KCNIP4: variants seen among roughly 807,000 people sequenced by gnomAD.
KCNIP4 encodes the protein Kv channel-interacting protein 4.
In KCNIP4, 12 loss-of-function variants were observed where a neutral mutation model predicts 34.0. The ratio of observed to expected loss-of-function variants is 0.35; its 90% CI spans 0.23 to 0.57. The LOEUF is 0.57. Ranked by LOEUF, KCNIP4 falls within the 20% of genes least tolerant of loss-of-function variation. The pLI is 0.83. For missense variants in KCNIP4, 238 were observed against 311.7 expected, an observed-to-expected ratio of 0.76 and a Z score of 1.78; for synonymous variants, 124 against 102.2, an observed-to-expected ratio of 1.21 and a Z score of -1.29.
At chr4:21,260,404 T>C (rs990964748) in intron 1 of KCNIP4, among the ~76,000 whole-genome samples, 3 of 152,214 alleles carry the variant, frequency 2.0e-5, no homozygotes, top group African/African-American at 4.8e-5. Flanking sequence ...CACAGTACTG[T>C]TAATTTAAGG....
At chr4:21,092,353 C>CAGG (rs1747070105) in intron 1 of KCNIP4, among the ~76,000 whole-genome samples, 3 of 152,040 alleles carry the variant, frequency 2.0e-5, no homozygotes, top group Middle Eastern at 6.8e-3. Context: ...TATTCCTCAG[C>CAGG]AGGAGTCAGT....
chr4:21,192,637 A>T (rs2109351641), intron 1 of KCNIP4, among the ~76,000 whole-genome samples: 1 of 152,288 alleles, frequency 6.6e-6, no homozygotes, highest in Non-Finnish European at 1.5e-5. Flanking sequence ...TCCATAACAA[A>T]ATTTTCCCTA....
At chr4:21,444,251 G>A (rs1489316955) in intron 1 of KCNIP4, among the ~76,000 whole-genome samples, 1 of 152,156 alleles carries the variant, frequency 6.6e-6, no homozygotes, top group Non-Finnish European at 1.5e-5. Context: ...TAGAAAAAGA[G>A]AGAATCCTCC....
intron 1 of KCNIP4, among the ~76,000 whole-genome samples, chr4:21,881,626 T>C (rs1726466933): frequency 6.6e-6 from 1 of 152,124 alleles, no homozygotes; most frequent in South Asian, 2.1e-4. Context: ...ACGCACACAG[T>C]ATTAAGCAGA....
Position 21,370,880 on chromosome 4 carries a change from CACGTGT to C in KCNIP4, c.62-488177_62-488172del, listed in dbSNP as rs1199337607. 2.2e-3 allele frequency among the ~76,000 whole-genome samples: 145 copies of C among 65,772 alleles called. 16 individuals carry two copies. Among genetic ancestry groups the C allele is most frequent in the African/African-American group, 9.7e-3 (140 of 14,374 alleles). The allele number at this position is 65,772 out of a possible 152,430, so 43.1% of individuals were successfully genotyped here. A position where few individuals can be genotyped will look rare whatever the true frequency, so the allele number is the denominator to read the frequency against. On this transcript the variant is annotated intron_variant, in intron 1 of 8. Transcript: ENST00000382152. Reference sequence around the variant, plus strand: ...ACACACACACACACACACACACACACACGTGTGTGTGTGTGTGTGTGTATTAGCAGA... The same window carrying C: ...ACACACACACACACACACACACACACGTGTGTGTGTGTGTGTATTAGCAGA...
chr4:21,181,137 T>C (rs1243054466), intron 1 of KCNIP4, among the ~76,000 whole-genome samples: 1 of 152,122 alleles, frequency 6.6e-6, no homozygotes, highest in Non-Finnish European at 1.5e-5. Flanking sequence ...ACCAGCCTTA[T>C]AGGTCAGGAA....
intron 1 of KCNIP4, among the ~76,000 whole-genome samples, chr4:21,635,744 A>ATC (rs1224375725): frequency 2.0e-5 from 3 of 152,144 alleles, no homozygotes; most frequent in Non-Finnish European, 4.4e-5. Context: ...TTCCTCAGGG[A>ATC]TCTAGAACTG....
chr4:21,237,089 A>C (rs1226932100), intron 1 of KCNIP4, among the ~76,000 whole-genome samples: 4 of 152,160 alleles, frequency 2.6e-5, no homozygotes. Flanking sequence ...AGCATATTAT[A>C]AAACCACAGA....
intron 1 of KCNIP4, among the ~76,000 whole-genome samples, chr4:21,026,690 G>T (rs1202414386): frequency 6.6e-6 from 1 of 152,054 alleles, no homozygotes; most frequent in Non-Finnish European, 1.5e-5. Context: ...AATAAAAAAG[G>T]ATCCATGGTA....
chr4:21,496,317 G>A (rs146554912), intron 1 of KCNIP4, among the ~76,000 whole-genome samples: 5 of 152,202 alleles, frequency 3.3e-5, no homozygotes, highest in African/African-American at 1.2e-4. Context: ...CAAGTCAGTG[G>A]CTTGTAATAA....
At chr4:20,927,438 T>C (rs1238054578) in intron 1 of KCNIP4, among the ~76,000 whole-genome samples, 1 of 152,194 alleles carries the variant, frequency 6.6e-6, no homozygotes, top group African/African-American at 2.4e-5. Context: ...GCAGCTATAA[T>C]AGTGCATGCA....
In KCNIP4 at chr4:21,840,361, G is replaced by A. The variant is rs1237560514; in HGVS notation, c.61+108210C>T. Among the ~76,000 whole-genome samples the A allele has an allele frequency of 2.0e-5, 3 of 151,982 alleles. 1 individual carries two copies. Among genetic ancestry groups the A allele is most frequent in the Non-Finnish European group, 4.4e-5 (3 of 68,004 alleles). On this transcript the variant is annotated intron_variant, in intron 1 of 8. Transcript: ENST00000382152. ...GACGACGTTGCACAAGTTGCTCTCTGAATTTACAAATGCCTTTTATTTTAT... is the reference window on the plus strand; with the variant it reads ...GACGACGTTGCACAAGTTGCTCTCTAAATTTACAAATGCCTTTTATTTTAT...
At chr4:21,166,334 A>G (rs1299235126) in intron 1 of KCNIP4, among the ~76,000 whole-genome samples, 1 of 152,188 alleles carries the variant, frequency 6.6e-6, no homozygotes, top group African/African-American at 2.4e-5. Context: ...TTAGTCATGA[A>G]GAAAATGCAA....
At chr4:21,606,260 A>C (rs1743654788) in intron 1 of KCNIP4, among the ~76,000 whole-genome samples, 1 of 152,184 alleles carries the variant, frequency 6.6e-6, no homozygotes, top group East Asian at 1.9e-4. Context: ...GTAGGATAAT[A>C]ACATTGAGAC....
intron 1 of KCNIP4, among the ~76,000 whole-genome samples, chr4:21,208,820 C>T (rs892073043): frequency 3.3e-5 from 5 of 152,092 alleles, no homozygotes; most frequent in Non-Finnish European, 4.4e-5. Flanking sequence ...GCTCAGGAGG[C>T]GTCAGGAAAC....
intron 1 of KCNIP4, among the ~76,000 whole-genome samples, chr4:21,101,589 G>T (rs1747945222): frequency 1.3e-5 from 2 of 152,138 alleles, no homozygotes; most frequent in Admixed American, 1.3e-4. Flanking sequence ...TGGTTGCATA[G>T]TGGTGGAGAG....
chr4:21,601,905 G>A (rs750057210), intron 1 of KCNIP4, among the ~76,000 whole-genome samples: 3 of 152,058 alleles, frequency 2.0e-5, no homozygotes, highest in African/African-American at 4.8e-5. Context: ...ACCATCAAAC[G>A]CTAAGTGTCC....
chr4:21,103,602 A>T (rs920603113), intron 1 of KCNIP4, among the ~76,000 whole-genome samples: 5 of 151,214 alleles, frequency 3.3e-5, no homozygotes, highest in Non-Finnish European at 1.5e-5. Flanking sequence ...TTATTATTAT[A>T]CTTTAAGTTT....
intron 3 of KCNIP4, among the ~76,000 whole-genome samples, chr4:20,778,340 T>C (rs1332700597): frequency 1.3e-5 from 2 of 152,216 alleles, no homozygotes; most frequent in Non-Finnish European, 2.9e-5. Flanking sequence ...CCAATATTTG[T>C]AGAACCTTAA....
Sources: allele counts gnomAD v4.1 joint callset (sites outside exome capture counted in the v4.1 genomes callset), GRCh38; gene constraint gnomAD v4.1.1; transcripts MANE v1.5; gene names NCBI Gene and HGNC (gene_info 2026-07-23, HGNC 2026-07-21).